SLC25A26: variants seen among roughly 807,000 people sequenced by gnomAD.
SLC25A26 encodes solute carrier family 25 member 26.
SLC25A26 carries 36 observed loss-of-function variants against 37.8 expected under a neutral mutation model. The ratio of observed to expected loss-of-function variants is 0.95; its 90% CI spans 0.73 to 1.26. SLC25A26 has a LOEUF of 1.26. Among genes scored for constraint, SLC25A26 ranks in the 50% most tolerant of loss-of-function variants. SLC25A26 has a pLI of 0.00. For missense variants in SLC25A26, 390 were observed against 331.1 expected, an observed-to-expected ratio of 1.18 and a Z score of -1.38; for synonymous variants, 129 against 122.5, an observed-to-expected ratio of 1.05 and a Z score of -0.35.
chr3:66,221,464 A>G (rs1369221842), intron 1 of SLC25A26, among the ~76,000 whole-genome samples: 3 of 152,182 alleles, frequency 2.0e-5, no homozygotes, highest in Non-Finnish European at 4.4e-5. Context: ...TTGGGAATTA[A>G]AGAAATGTAT....
Position 66,226,292 on chromosome 3 carries a change from C to T in SLC25A26, c.33+5165C>T, listed in dbSNP as rs563795136. On this transcript the variant is annotated intron_variant, in intron 1 of 9. Transcript: ENST00000354883. ...TGAGAGCGTATGCAGGAGAACTCCC[C>T]TTTATGAGATCATCAGATCTTGTGA... 4.9e-4 allele frequency among the ~76,000 whole-genome samples: 74 copies of T among 152,222 alleles called. No homozygotes were observed. The Middle Eastern group carries it at 0.01, about 21-fold the overall frequency.
intron 1 of SLC25A26, among the ~76,000 whole-genome samples, chr3:66,167,548 A>G (rs2070441716): frequency 6.6e-6 from 1 of 152,244 alleles, no homozygotes; most frequent in African/African-American, 2.4e-5. Context: ...ACTTACAACC[A>G]CAAAGACTAA....
At chr3:66,285,087 C>G (rs192239405) in intron 5 of SLC25A26, among the ~76,000 whole-genome samples, 1 of 152,090 alleles carries the variant, frequency 6.6e-6, no homozygotes, top group Non-Finnish European at 1.5e-5. Flanking sequence ...TGGTGCTGGT[C>G]ATTTCTTTAC....
At chr3:66,357,683 A>G (rs1452346606) in intron 6 of SLC25A26, among the ~76,000 whole-genome samples, 1 of 152,114 alleles carries the variant, frequency 6.6e-6, no homozygotes, top group East Asian at 1.9e-4. Flanking sequence ...TTGAGAAATT[A>G]TGGAAATTTA....
chr3:66,212,126 T>A (rs1399069848), intron 1 of SLC25A26, among the ~76,000 whole-genome samples: 2 of 152,166 alleles, frequency 1.3e-5, no homozygotes, highest in African/African-American at 4.8e-5. Context: ...ATTGTTATTA[T>A]TTTTTGGAGA....
intron 9 of SLC25A26, among the ~76,000 whole-genome samples, chr3:66,374,732 T>C (rs79506153): frequency 0.044 from 6,750 of 152,084 alleles, 482 homozygotes; most frequent in African/African-American, 0.15. Context: ...AATACAAAAA[T>C]TAGCTGGCCA....
At chr3:66,366,373 A>G (rs988650830) in intron 7 of SLC25A26, among the ~76,000 whole-genome samples, 2 of 152,186 alleles carry the variant, frequency 1.3e-5, no homozygotes, top group African/African-American at 4.8e-5. Context: ...ATTCTATTCT[A>G]TTATCTTCAC....
chr3:66,361,107 G>T (rs2076697732), intron 6 of SLC25A26, among the ~76,000 whole-genome samples: 2 of 152,276 alleles, frequency 1.3e-5, no homozygotes. Context: ...GTGGACAATT[G>T]ATTTTTGACA....
intron 5 of SLC25A26, among the ~76,000 whole-genome samples, chr3:66,320,279 G>A (rs1375699602): frequency 6.6e-6 from 1 of 151,828 alleles, no homozygotes; most frequent in East Asian, 1.9e-4. Context: ...CCTCACCCCA[G>A]CCCCTAGTAA....
chr3:66,372,662 G>A (rs138167727), intron 9 of SLC25A26, among the ~76,000 whole-genome samples: 35 of 152,232 alleles, frequency 2.3e-4, no homozygotes, highest in African/African-American at 8.4e-4. Context: ...AGACAGCAGC[G>A]GTCGTCACTT....
At chr3:66,267,245 G>C (rs540313121) in intron 5 of SLC25A26, among the ~76,000 whole-genome samples, 2 of 152,322 alleles carry the variant, frequency 1.3e-5, no homozygotes, top group African/African-American at 4.8e-5. Context: ...AGGAGTGGCA[G>C]TTAGAAGTAG....
chr3:66,135,431 G>T (rs1382350464), intron 1 of SLC25A26, among the ~76,000 whole-genome samples: 2 of 152,086 alleles, frequency 1.3e-5, no homozygotes, highest in African/African-American at 4.8e-5. Context: ...CAGTATTACA[G>T]AATCATTAAT....
At chr3:66,246,024 A>T (rs988560359) in intron 3 of SLC25A26, among the ~76,000 whole-genome samples, 1 of 152,126 alleles carries the variant, frequency 6.6e-6, no homozygotes, top group Non-Finnish European at 1.5e-5. Context: ...TATCTCTATG[A>T]ATTTGCCTAT....
intron 3 of SLC25A26, among the ~76,000 whole-genome samples, chr3:66,250,988 A>G (rs888309856): frequency 4.6e-5 from 7 of 152,266 alleles, no homozygotes; most frequent in Admixed American, 2.0e-4. Context: ...AATCTGATTT[A>G]GCAGGAGTCT....
At chr3:66,342,268 T>C (rs995842765) in intron 5 of SLC25A26, among the ~76,000 whole-genome samples, 1 of 152,188 alleles carries the variant, frequency 6.6e-6, no homozygotes, top group Non-Finnish European at 1.5e-5. Context: ...AACGTATTGC[T>C]AGAGAGTTCT....
chr3:66,310,801 A>G (rs1251728975), intron 5 of SLC25A26, among the ~76,000 whole-genome samples: 2 of 152,180 alleles, frequency 1.3e-5, no homozygotes. Context: ...CTTTTCTTTA[A>G]GAATGTTGAA....
At chr3:66,209,898 T>G (rs1318356444) in intron 1 of SLC25A26, among the ~76,000 whole-genome samples, 1 of 38,608 alleles carries the variant, frequency 2.6e-5, no homozygotes, top group Non-Finnish European at 5.0e-5. Context: ...CTCTCTCTAT[T>G]TATATATATA....
chr3:66,278,648 C>G (rs768030082), intron 5 of SLC25A26, among the ~76,000 whole-genome samples: 1 of 152,058 alleles, frequency 6.6e-6, no homozygotes, highest in South Asian at 2.1e-4. Flanking sequence ...AATTTCATTC[C>G]TCTGTTCATT....
At position 66,236,632 on chromosome 3, in the gene SLC25A26, G is replaced by A. The variant is rs146159281; in HGVS notation, c.122G>A (p.Ser41Asn). The A allele has an allele frequency of 0.32, 481,059 of 1,526,268 alleles. 84,244 individuals are homozygous for A. The highest frequency in any genetic ancestry group is 0.67 in the African/African-American group (48,871 of 72,696). 94.5% of individuals were successfully genotyped at this position (1,526,268 alleles called of 1,614,324 possible). A position where few individuals can be genotyped will look rare whatever the true frequency, so the allele number is the denominator to read the frequency against. The change falls in exon 2 of 10, where the codon AGT (serine) becomes AAT (asparagine). Residue 41 changes from serine to asparagine, a missense_variant. Transcript: ENST00000354883. ...AGGCTGCAGAGTCCCCAAGGATTTA[G>A]TAAGGCTGGTGGTTTTCATGGAATA... Reference protein sequence around the residue: ...KTRLQSPQGFSKAGGFHGIYA... With the variant: ...KTRLQSPQGFNKAGGFHGIYA...
Sources: allele counts gnomAD v4.1 joint callset (sites outside exome capture counted in the v4.1 genomes callset), GRCh38; gene constraint gnomAD v4.1.1; transcripts MANE v1.5; gene names NCBI Gene and HGNC (gene_info 2026-07-23, HGNC 2026-07-21).